STK32A: variants seen among roughly 807,000 people sequenced by gnomAD.
The protein encoded by STK32A is serine/threonine kinase 32A.
In STK32A, 41 loss-of-function variants were observed where a neutral mutation model predicts 53.2. The observed-to-expected ratio is 0.77, with a 90% CI of 0.60 to 1.00. STK32A has a LOEUF of 1.00. Ranked by LOEUF, STK32A falls within the 50% of genes least tolerant of loss-of-function variation. The pLI is 0.00. For missense variants in STK32A, 458 were observed against 485.8 expected (o/e 0.94, Z 0.54); for synonymous variants, 166 against 162.8 (o/e 1.02, Z -0.15).
chr5:147,269,149 G>A (rs1754927742), intron 2 of STK32A, among the ~76,000 whole-genome samples: 1 of 152,128 alleles, frequency 6.6e-6, no homozygotes, highest in South Asian at 2.1e-4. Context: ...TACTGTTTCA[G>A]AGTTGGCGCA....
downstream of STK32A, among the ~76,000 whole-genome samples, chr5:147,389,402 G>A (rs541122947): frequency 1.3e-5 from 2 of 152,286 alleles, no homozygotes; most frequent in South Asian, 2.1e-4. Context: ...ATGTTATCCG[G>A]TGTGGCCAAT....
At position 147,346,369 on chromosome 5, in the gene STK32A, G is replaced by A. The variant is rs577982783; in HGVS notation, c.472+3326G>A. Among the ~76,000 whole-genome samples, 5 of 152,244 alleles carry A rather than the reference G, an allele frequency of 3.3e-5. No homozygotes were observed. The South Asian group carries it at 8.3e-4, about 25-fold the overall frequency. On this transcript the variant is annotated intron_variant, in intron 6 of 12. Transcript: ENST00000397936. ...CCTATCTCTCTGGTGCCCCCTATGC[G>A]CATCCCTACAAGTGAGCTGTGTATC...
At chr5:147,247,819 T>C (rs1216356066) in intron 2 of STK32A, among the ~76,000 whole-genome samples, 2 of 152,118 alleles carry the variant, frequency 1.3e-5, no homozygotes, top group South Asian at 4.1e-4. Context: ...TTTTTTCCAA[T>C]CAATAAAAAG....
chr5:147,292,783 C>T (rs779112058), intron 4 of STK32A, among the ~76,000 whole-genome samples: 1 of 152,216 alleles, frequency 6.6e-6, no homozygotes, highest in Admixed American at 6.5e-5. Flanking sequence ...ATTGCTTGAA[C>T]CTGGGAGGTG....
rs149829069 is a variant in STK32A, at chr5:147,370,567, T to C, written c.661-87T>C. 3,063 of 793,334 alleles carry C rather than the reference T, an allele frequency of 3.9e-3. 82 individuals carry two copies. In the African/African-American group the frequency reaches 0.048, roughly 12 times the overall value. 49.1% of individuals were successfully genotyped at this position (793,334 alleles called of 1,614,324 possible). On this transcript the variant is annotated intron_variant, in intron 8 of 12. Transcript: ENST00000397936. ...GAAATTGATATAGATATTTTATCGG[T>C]TGAAAGTTTAGCTTGGAAACATTTG...
rs149601098 is a variant in STK32A, at chr5:147,269,272, C to T, written c.53-8852C>T. 4.2e-3 allele frequency among the ~76,000 whole-genome samples: 638 copies of T among 152,272 alleles called. 2 individuals carry two copies. Among genetic ancestry groups the T allele is most frequent in the African/African-American group, 0.01 (417 of 41,572 alleles). On this transcript the variant is annotated intron_variant, in intron 2 of 12. Transcript: ENST00000397936. ...GTTGTTCCACTAGACTGTAGGACCC[C>T]TGAAGGCAGGCAACCTTGGGCTTCT...
At chr5:147,272,992 T>C (rs901507103) in intron 2 of STK32A, among the ~76,000 whole-genome samples, 8 of 152,208 alleles carry the variant, frequency 5.3e-5, no homozygotes, top group African/African-American at 1.9e-4. Flanking sequence ...GAATCAATTT[T>C]TAGAAAAAAT....
At chr5:147,280,252 G>T (rs926061629) in intron 4 of STK32A, among the ~76,000 whole-genome samples, 14 of 152,058 alleles carry the variant, frequency 9.2e-5, no homozygotes, top group Admixed American at 2.0e-4. Flanking sequence ...AAAGCGCCTG[G>T]CCAGAACTCA....
intron 7 of STK32A, 148 bp downstream of exon 7, chr5:147,351,302 C>T: frequency 3.0e-6 from 2 of 655,748 alleles, no homozygotes; most frequent in Non-Finnish European, 5.2e-6. Flanking sequence ...GTCTTCTCCA[C>T]TAGCAAGCAC....
intron 4 of STK32A, among the ~76,000 whole-genome samples, chr5:147,293,941 C>G (rs1460201813): frequency 6.6e-6 from 1 of 151,896 alleles, no homozygotes; most frequent in Non-Finnish European, 1.5e-5. Flanking sequence ...AATACTAAAG[C>G]TAATTTTAAT....
At chr5:147,370,617 A>T (rs202216975) in intron 8 of STK32A, 37 bp from the exon 9 acceptor site, 159 of 1,407,136 alleles carry the variant, frequency 1.1e-4, no homozygotes, top group Admixed American at 1.7e-4. Flanking sequence ...CTTTTGTCCT[A>T]TACAAATGAA....
At chr5:147,279,846 G>T (rs1751967882) in intron 4 of STK32A, among the ~76,000 whole-genome samples, 1 of 152,084 alleles carries the variant, frequency 6.6e-6, no homozygotes, top group South Asian at 2.1e-4. Flanking sequence ...GTGAAACCTA[G>T]GTCAAATCCA....
At chr5:147,401,809 T>C in the STK32A span, 1 of 1,309,714 alleles carries the variant, frequency 7.6e-7, no homozygotes, top group Non-Finnish European at 1.0e-6. Context: ...AGAGTCAGAC[T>C]GACCTGGGTT....
chr5:147,394,937 G>A, the STK32A span, among the ~76,000 whole-genome samples: 12 of 152,042 alleles, frequency 7.9e-5, no homozygotes, highest in African/African-American at 1.7e-4. Context: ...ATAGGAATGC[G>A]AATCTACATT....
chr5:147,279,631 T>G (rs1049721475), intron 4 of STK32A, among the ~76,000 whole-genome samples: 1 of 151,906 alleles, frequency 6.6e-6, no homozygotes, highest in Admixed American at 6.6e-5. Context: ...GCGAATGTCA[T>G]GTAAGGGGGG....
At chr5:147,282,372 T>G (rs375903021) in intron 4 of STK32A, among the ~76,000 whole-genome samples, 2 of 151,936 alleles carry the variant, frequency 1.3e-5, no homozygotes, top group Non-Finnish European at 2.9e-5. Flanking sequence ...TCTTTTTTGG[T>G]TTTTTGGAAA....
downstream of STK32A, among the ~76,000 whole-genome samples, chr5:147,389,598 T>C (rs1279522237): frequency 6.6e-6 from 1 of 152,114 alleles, no homozygotes; most frequent in Non-Finnish European, 1.5e-5. Flanking sequence ...AAAAAGAGCT[T>C]TCCTGGCCAG....
Position 147,332,812 on chromosome 5 carries a change from A to C in STK32A, c.434+8741A>C, listed in dbSNP as rs76975133. Among the ~76,000 whole-genome samples, 1,068 of 152,326 alleles carry C rather than the reference A, an allele frequency of 7.0e-3. 19 individuals are homozygous for C. The highest frequency in any genetic ancestry group is 0.025 in the African/African-American group (1,020 of 41,566). On this transcript the variant is annotated intron_variant, in intron 5 of 12. Coordinates refer to ENST00000397936, the MANE Select transcript of STK32A (RefSeq NM_001112724.2). ...GCTACCGAATAATGAATGAGCATGA[A>C]TTACACATTGTGAAAACAGGAGAAT...
intron 10 of STK32A, among the ~76,000 whole-genome samples, chr5:147,374,804 C>A (rs1291020646): frequency 6.6e-6 from 1 of 152,076 alleles, no homozygotes; most frequent in African/African-American, 2.4e-5. Context: ...ATTATTAGAG[C>A]GCACTTTCGG....
Sources: gnomAD v4.1 joint callset for allele counts (sites outside exome capture counted in the v4.1 genomes callset) on GRCh38, gnomAD v4.1.1 for gene constraint, MANE v1.5 for transcripts, NCBI Gene and HGNC (gene_info 2026-07-23, HGNC 2026-07-21) for gene names.